The following PIEZO1 variants were observed in gnomAD, a reference collection of about 807,000 sequenced individuals.
PIEZO1 encodes piezo type mechanosensitive ion channel component 1 (Er blood group), also known as piezo-type mechanosensitive ion channel component 1.
PIEZO1 carries 296 observed loss-of-function variants against 297.2 expected under a neutral mutation model. That is an observed-to-expected ratio of 1.00 (90% CI 0.91 to 1.10). The LOEUF is 1.10. Among genes scored for constraint, PIEZO1 ranks in the 50% least tolerant of loss-of-function variants. PIEZO1 has a pLI of 0.00. For missense variants in PIEZO1, 5,018 were observed against 3,455.5 expected (o/e 1.45, Z -11.34); for synonymous variants, 2,427 against 1,507.5 (o/e 1.61, Z -14.13).
At chr16:88,764,178 G>A (rs894505995) in intron 1 of PIEZO1, among the ~76,000 whole-genome samples, 1 of 152,162 alleles carries the variant, frequency 6.6e-6, no homozygotes, top group Non-Finnish European at 1.5e-5. Context: ...AGCTGCGGAG[G>A]GTGGGGCGGG....
Position 88,737,549 on chromosome 16 carries a change from C to G in PIEZO1, c.1195+10G>C. 1 of 1,518,482 alleles carries G rather than the reference C, an allele frequency of 6.6e-7. No individual in the cohort carries two copies. Among genetic ancestry groups the G allele is most frequent in the Non-Finnish European group, 8.8e-7 (1 of 1,132,938 alleles). 94.1% of individuals were successfully genotyped at this position (1,518,482 alleles called of 1,614,324 possible). ...GCACCCAGCCATACCTTGCAGTGTG[C>G]GGTACTCACCAGGCCGCCGCAGGAC... is the stretch of plus-strand genomic sequence containing the variant. On this transcript the variant is annotated intron_variant, in intron 10 of 50. Coordinates refer to ENST00000301015, the MANE Select transcript of PIEZO1 (RefSeq NM_001142864.4).
Position 88,749,470 on chromosome 16 carries a change from A to G in PIEZO1, c.74T>C (p.Leu25Pro). Reference sequence around the variant, plus strand: ...GACCAGCGAGAGTCCGCTGAAGCGGAGCAGGCAGGCTGCGGGGAGATGGGC... The same window carrying G: ...GACCAGCGAGAGTCCGCTGAAGCGGGGCAGGCAGGCTGCGGGGAGATGGGC... ...LPCALLAACLLRFSGLSLVYL... is the reference protein window; with the variant it reads ...LPCALLAACLPRFSGLSLVYL... The change falls in exon 2 of 51, where the codon CTC becomes CCC. Residue 25 changes from leucine to proline, a missense_variant. Physicochemically the swap from Leu to Pro is moderately conservative, Grantham distance 98 (BLOSUM62 -3). Coordinates refer to ENST00000301015, the MANE Select transcript of PIEZO1 (RefSeq NM_001142864.4). 1 of 1,526,406 alleles carries G rather than the reference A, an allele frequency of 6.6e-7. No homozygotes were observed. Among genetic ancestry groups the G allele is most frequent in the Admixed American group, 2.0e-5 (1 of 49,718 alleles). 94.6% of individuals were successfully genotyped at this position (1,526,406 alleles called of 1,614,324 possible). A position where few individuals can be genotyped will look rare whatever the true frequency, so the allele number is the denominator to read the frequency against.
chr16:88,724,925 G>C (rs1370250238), intron 30 of PIEZO1, 84 bp downstream of exon 30: 2 of 865,228 alleles, frequency 2.3e-6, no homozygotes, highest in Non-Finnish European at 3.4e-6. Flanking sequence ...GGGGAAGGGA[G>C]GGGAAGATAG....
chr16:88,755,366 C>T (rs1270877397), intron 1 of PIEZO1, among the ~76,000 whole-genome samples: 3 of 152,340 alleles, frequency 2.0e-5, no homozygotes, highest in Admixed American at 6.5e-5. Flanking sequence ...CCCTGGCATT[C>T]ACGTGCAGGA....
chr16:88,782,317 G>A (rs553917597), intron 1 of PIEZO1, among the ~76,000 whole-genome samples: 1 of 152,202 alleles, frequency 6.6e-6, no homozygotes, highest in African/African-American at 2.4e-5. Context: ...TCTCTACGTT[G>A]CCCAGGCTGC....
At chr16:88,741,074 G>A (rs1395122652) in intron 5 of PIEZO1, 2 of 158,746 alleles carry the variant, frequency 1.3e-5, no homozygotes, top group African/African-American at 2.4e-5. Flanking sequence ...GGGGCTCTGG[G>A]CCGACAGCCT....
At chr16:88,736,010 G>T (rs1905187237) in intron 12 of PIEZO1, 138 bp downstream of exon 12, 1 of 841,024 alleles carries the variant, frequency 1.2e-6, no homozygotes, top group Non-Finnish European at 1.8e-6. Flanking sequence ...GCTGGCTCTG[G>T]GTGGGCAGAA....
intron 1 of PIEZO1, among the ~76,000 whole-genome samples, chr16:88,767,494 G>A (rs975565544): frequency 6.6e-6 from 1 of 152,146 alleles, no homozygotes; most frequent in Non-Finnish European, 1.5e-5. Context: ...CCCACTGCAG[G>A]TGACTGGCTG....
Position 88,733,005 on chromosome 16 carries a change from CCCTGTCCA to C in PIEZO1, c.2664+265_2664+272del, listed in dbSNP as rs1904970412. The C allele has an allele frequency of 6.9e-6, 4 of 582,226 alleles. No homozygotes were observed. In the East Asian group the frequency reaches 1.1e-4, roughly 17 times the overall value. The allele number at this position is 582,226 out of a possible 1,614,324, so 36.1% of individuals were successfully genotyped here. ...CAGGCAGAGATGCCTGACTGTCTCT[CCCTGTCCA>C]GGGGTGGGGCCCTCCCGTCCTCACT... On this transcript the variant is annotated intron_variant, in intron 19 of 50. Transcript: ENST00000301015.
intron 1 of PIEZO1, among the ~76,000 whole-genome samples, chr16:88,767,124 C>T (rs1009405790): frequency 1.4e-4 from 22 of 152,204 alleles, no homozygotes; most frequent in Non-Finnish European, 2.1e-4. Context: ...TTAGCTTCTT[C>T]CCGGATTGAG....
In PIEZO1 at chr16:88,717,143, G is replaced by C; in HGVS notation, c.6540C>G (p.Ile2180Met). ...IVKYGMGGLI[I>M]LFLIAIIWFP... ...ACCAGATGATGGCGATGAGGAAGAG[G>C]ATGATGAGGCCACCCATGCCGTACT... The change falls in exon 45 of 51, where the codon ATC becomes ATG. Residue 2180 changes from isoleucine (I) to methionine (M), a missense_variant. Coordinates refer to ENST00000301015, the MANE Select transcript of PIEZO1 (RefSeq NM_001142864.4). 1.3e-6 allele frequency: 2 copies of C among 1,551,350 alleles called. No individual in the cohort carries two copies. Among genetic ancestry groups the C allele is most frequent in the Non-Finnish European group, 1.7e-6 (2 of 1,147,208 alleles).
rs1904356366 is a variant in PIEZO1 at position 88,725,495 on chromosome 16, C to G, written c.4083G>C (p.Gln1361His). 5 of 1,527,866 alleles carry G rather than the reference C, an allele frequency of 3.3e-6. No homozygotes were observed. In the Admixed American group the frequency reaches 6.1e-5, roughly 19 times the overall value. The allele number at this position is 1,527,866 out of a possible 1,614,324, so 94.6% of individuals were successfully genotyped here. Residue 1361 changes from glutamine to histidine, a missense_variant, in exon 29 of 51, where the codon CAG becomes CAC. Transcript: ENST00000301015. ...CCACCCGGCCCTGCCTGTGCTTCTC[C>G]TGCTTGGCACGGATACGCTCCATCC... ...KRQMERIRAK[Q>H]EKHRQGRVDR... is the part of the protein sequence containing the mutation.
In PIEZO1 at chr16:88,733,285, C is replaced by T. The variant is rs1904991669; in HGVS notation, c.2657G>A (p.Cys886Tyr). The change falls in exon 19 of 51, where the codon TGC (cysteine) becomes TAC (tyrosine). Residue 886 changes from cysteine (C) to tyrosine (Y), a missense_variant. Cys to Tyr is a radical substitution (Grantham distance 194). Coordinates refer to ENST00000301015, the MANE Select transcript of PIEZO1 (RefSeq NM_001142864.4). ...VVNPQEYSSN[C>Y]TEPFPNSTNL... Reference sequence around the variant, plus strand: ...GCCCTCGGGGGCCGGTACCTCGGTGCAGTTGCTGGAATACTCCTGGGGGTT... The same window carrying T: ...GCCCTCGGGGGCCGGTACCTCGGTGTAGTTGCTGGAATACTCCTGGGGGTT... 6.5e-7 allele frequency: 1 copy of T among 1,541,136 alleles called. No homozygotes were observed. Among genetic ancestry groups the T allele is most frequent in the Non-Finnish European group, 8.8e-7 (1 of 1,139,294 alleles).
At position 88,720,148 on chromosome 16, in the gene PIEZO1, C is replaced by CCAGCACGGTCTTGCG; in HGVS notation, c.6070_6084dup (p.Arg2024_Leu2028dup). On this transcript the variant is annotated inframe_insertion, in exon 42 of 51. Coordinates refer to ENST00000301015, the MANE Select transcript of PIEZO1 (RefSeq NM_001142864.4). ...AGCGCCACCTGGAAGGCCAGCTTGC[C>CCAGCACGGTCTTGCG]CAGCACGGTCTTGCGCAGGTAGAGG... The CCAGCACGGTCTTGCG allele has an allele frequency of 1.9e-6, 3 of 1,550,450 alleles. No homozygotes were observed. Among genetic ancestry groups the CCAGCACGGTCTTGCG allele is most frequent in the Non-Finnish European group, 2.6e-6 (3 of 1,146,982 alleles).
intron 1 of PIEZO1, among the ~76,000 whole-genome samples, chr16:88,780,341 C>T (rs1907872412): frequency 6.6e-6 from 1 of 151,894 alleles, no homozygotes; most frequent in Admixed American, 6.6e-5. Flanking sequence ...CAGAGGAGCT[C>T]AAAGGTCAAG....
chr16:88,716,484 CT>C lies in PIEZO1; in HGVS notation c.6927-2del, dbSNP rs1373730090. 6.5e-7 allele frequency: 1 copy of C among 1,546,154 alleles called. No individual in the cohort carries two copies. The highest frequency in any genetic ancestry group is 8.7e-7 in the Non-Finnish European group (1 of 1,144,568). ...CACAGTGCCTCCCTTCGCCAGGTCC[CT>C]GGGGGTGGGAACACAGCGTGACCCA... On this transcript the variant is annotated splice_acceptor_variant, in intron 47 of 50. Transcript: ENST00000301015. LOFTEE classifies it high-confidence loss of function.
chr16:88,727,184 G>A lies in PIEZO1; in HGVS notation c.3310C>T (p.Leu1104Phe). The A allele has an allele frequency of 1.9e-6, 3 of 1,541,316 alleles. No homozygotes were observed. The highest frequency in any genetic ancestry group is 1.2e-5 in the South Asian group (1 of 83,716). The change falls in exon 24 of 51, where the codon CTC becomes TTC. Residue 1104 changes from leucine (L) to phenylalanine (F), a missense_variant. Physicochemically the swap from Leu to Phe is conservative, Grantham distance 22 (BLOSUM62 0). Coordinates refer to ENST00000301015, the MANE Select transcript of PIEZO1 (RefSeq NM_001142864.4). Reference protein sequence around the residue: ...PNSTNLISDFLLLLCASQQWQ... With the variant: ...PNSTNLISDFFLLLCASQQWQ... ...TGCTGGGAGGCGCACAGCAGCAGGAGAAAGTCGCCTGCAGGACACAGGAGC... is the reference window on the plus strand; with the variant it reads ...TGCTGGGAGGCGCACAGCAGCAGGAAAAAGTCGCCTGCAGGACACAGGAGC...
chr16:88,730,597 C>CAA lies in PIEZO1; in HGVS notation c.3196+1107_3196+1108dup, dbSNP rs59142015. On this transcript the variant is annotated intron_variant, in intron 22 of 50. Transcript: ENST00000301015. ...TGGGTGACAGAGCAAGACTCCATCT[C>CAA]AAAAAAAAAAAAAAAAAAAAAAAGG... Among the ~76,000 whole-genome samples, 110 of 84,122 alleles carry CAA rather than the reference C, an allele frequency of 1.3e-3. 1 individual carries two copies. Among genetic ancestry groups the CAA allele is most frequent in the African/African-American group, 2.6e-3 (51 of 19,370 alleles). The allele number at this position is 84,122 out of a possible 152,430, so 55.2% of individuals were successfully genotyped here.
In PIEZO1 at chr16:88,732,494, G is replaced by C; in HGVS notation, c.2832C>G (p.Ile944Met). 1.3e-6 allele frequency: 2 copies of C among 1,548,608 alleles called. No homozygotes were observed. Among genetic ancestry groups the C allele is most frequent in the South Asian group, 2.4e-5 (2 of 83,992 alleles). The change falls in exon 21 of 51, where the codon ATC becomes ATG. Residue 944 changes from isoleucine to methionine, a missense_variant. Transcript: ENST00000301015. The part of the protein sequence containing the change: ...QVLLLLVFEA[I>M]VYRRQEHYRR... ...GGTAGTGCTCCTGGCGCCGGTACAC[G>C]ATGGCCTCGAATACCAGCAGCAGCA...
Sources: gnomAD v4.1 joint callset for allele counts (sites outside exome capture counted in the v4.1 genomes callset) on GRCh38, gnomAD v4.1.1 for gene constraint, MANE v1.5 for transcripts, NCBI Gene and HGNC (gene_info 2026-07-23, HGNC 2026-07-21) for gene names.